CCDC30: variants seen among roughly 807,000 people sequenced by gnomAD.
The protein encoded by CCDC30 is coiled-coil domain containing 30.
CCDC30 carries 70 observed loss-of-function variants against 100.2 expected under a neutral mutation model. The observed-to-expected ratio is 0.70, with a 90% CI of 0.58 to 0.85. The LOEUF (loss-of-function observed/expected upper bound fraction) is 0.85, where lower values mean the gene tolerates loss of function less well. Ranked by LOEUF, CCDC30 falls within the 40% of genes least tolerant of loss-of-function variation. The pLI is 0.00. For missense variants in CCDC30, 652 were observed against 771.2 expected (o/e 0.85, Z 1.83); for synonymous variants, 233 against 269.5 (o/e 0.86, Z 1.33).
intron 5 of CCDC30, 77 bp from the exon 6 acceptor site, chr1:42,498,741 T>C (rs1295845392): frequency 5.0e-6 from 3 of 597,804 alleles, no homozygotes; most frequent in Non-Finnish European, 7.4e-6. Flanking sequence ...ATATTACTTG[T>C]ATAATTAAAA....
At chr1:42,528,884 T>C (rs1451572479) in intron 6 of CCDC30, among the ~76,000 whole-genome samples, 1 of 152,208 alleles carries the variant, frequency 6.6e-6, no homozygotes, top group African/African-American at 2.4e-5. Flanking sequence ...GCATCTGTTT[T>C]ATTTCAAAAG....
intron 6 of CCDC30, among the ~76,000 whole-genome samples, chr1:42,547,301 T>G (rs1252239821): frequency 6.6e-6 from 1 of 152,220 alleles, no homozygotes. Flanking sequence ...AAGATTGTTC[T>G]AGTATCTCTT....
chr1:42,561,626 G>C (rs1645489404), intron 6 of CCDC30, among the ~76,000 whole-genome samples: 1 of 151,848 alleles, frequency 6.6e-6, no homozygotes, highest in Non-Finnish European at 1.5e-5. Context: ...GCAAAAGAAA[G>C]AAATAAAGGG....
chr1:42,457,079 TGC>T, the CCDC30 span: 1 of 1,590,690 alleles, frequency 6.3e-7, no homozygotes. Context: ...GCTAGGTGCG[TGC>T]CCTAGGAGTA....
chr1:42,602,922 A>G (rs757149801), intron 10 of CCDC30, among the ~76,000 whole-genome samples: 6 of 152,246 alleles, frequency 3.9e-5, no homozygotes, highest in Admixed American at 6.5e-5. Context: ...ACAAAGAATT[A>G]TGCACCATGA....
intron 6 of CCDC30, chr1:42,556,359 T>G: frequency 6.2e-7 from 1 of 1,614,096 alleles, no homozygotes; most frequent in Non-Finnish European, 8.5e-7. Context: ...CAGAGCCTTC[T>G]TCAGTCTCAG....
chr1:42,633,025 G>T (rs911697735), intron 11 of CCDC30, among the ~76,000 whole-genome samples: 4 of 151,992 alleles, frequency 2.6e-5, no homozygotes, highest in African/African-American at 7.2e-5. Flanking sequence ...GGCCAGGCTG[G>T]TCTTGAACTC....
At chr1:42,516,091 T>A (rs1258751605) in intron 6 of CCDC30, among the ~76,000 whole-genome samples, 1 of 152,232 alleles carries the variant, frequency 6.6e-6, no homozygotes, top group Non-Finnish European at 1.5e-5. Context: ...ATGGAAATTC[T>A]GTGTCTACTT....
intron 6 of CCDC30, among the ~76,000 whole-genome samples, chr1:42,565,618 C>T (rs1570083255): frequency 6.6e-6 from 1 of 152,106 alleles, no homozygotes; most frequent in Admixed American, 6.6e-5. Context: ...ATATGGAAAA[C>T]AGTATGGAGG....
At chr1:42,641,913 T>A (rs934160384) in intron 12 of CCDC30, among the ~76,000 whole-genome samples, 6 of 151,204 alleles carry the variant, frequency 4.0e-5, no homozygotes, top group African/African-American at 1.5e-4. Flanking sequence ...TTCAGGGTCA[T>A]GAAAAAGAAG....
intron 6 of CCDC30, among the ~76,000 whole-genome samples, chr1:42,506,766 T>C (rs1378567841): frequency 6.6e-6 from 1 of 152,174 alleles, no homozygotes; most frequent in Non-Finnish European, 1.5e-5. Context: ...CTGATAAATA[T>C]GTTAGAGGTT....
At chr1:42,606,344 C>T (rs1198270226) in intron 10 of CCDC30, among the ~76,000 whole-genome samples, 1 of 152,196 alleles carries the variant, frequency 6.6e-6, no homozygotes, top group African/African-American at 2.4e-5. Flanking sequence ...GTGGTGCGCT[C>T]TCAGCTCACT....
chr1:42,492,958 A>G (rs376998501), intron 4 of CCDC30, among the ~76,000 whole-genome samples: 1 of 152,118 alleles, frequency 6.6e-6, no homozygotes, highest in East Asian at 1.9e-4. Flanking sequence ...AAAGATATTT[A>G]TAAAAAGACC....
At chr1:42,638,543 T>C (rs112470612) in intron 12 of CCDC30, among the ~76,000 whole-genome samples, 9 of 143,358 alleles carry the variant, frequency 6.3e-5, no homozygotes, top group African/African-American at 2.1e-4. Context: ...TAATCCATTT[T>C]AATAGCACCC....
At chr1:42,457,967 A>AC in the CCDC30 span, among the ~76,000 whole-genome samples, 1 of 151,596 alleles carries the variant, frequency 6.6e-6, no homozygotes, top group East Asian at 1.9e-4. Flanking sequence ...AAAAAAAAAA[A>AC]AAACACCAAA....
At chr1:42,481,730 T>C (rs373167509) in intron 2 of CCDC30, among the ~76,000 whole-genome samples, 3 of 152,320 alleles carry the variant, frequency 2.0e-5, no homozygotes, top group Admixed American at 6.5e-5. Context: ...ATGTTTTTGA[T>C]CTAGGGAAAT....
At chr1:42,608,881 A>G (rs1007142162) in intron 10 of CCDC30, among the ~76,000 whole-genome samples, 2 of 152,154 alleles carry the variant, frequency 1.3e-5, no homozygotes, top group African/African-American at 4.8e-5. Context: ...AGTACTAGAA[A>G]ACAAATTGAC....
rs773275520 is a variant in CCDC30, at chr1:42,539,223, CA to C, written c.457-27071del. 5.6e-6 allele frequency: 9 copies of C among 1,608,868 alleles called. No individual in the cohort carries two copies. The South Asian group carries it at 1.0e-4, about 18-fold the overall frequency. On this transcript the variant is annotated intron_variant, in intron 6 of 16. Coordinates refer to ENST00000668663, the Ensembl canonical transcript of CCDC30. ...TTATATGCCTTTATAATGAAGTTCA[CA>C]ATCTTCCAGGGGAATCAGAAAGCAA...
intron 6 of CCDC30, 21 bp downstream of exon 6, chr1:42,498,937 G>A: frequency 8.4e-7 from 1 of 1,189,600 alleles, no homozygotes; most frequent in African/African-American, 1.6e-5. Flanking sequence ...TTAAAGTTCT[G>A]TTCTTTCTGA....
Sources: gnomAD v4.1 joint callset for allele counts (sites outside exome capture counted in the v4.1 genomes callset) on GRCh38, gnomAD v4.1.1 for gene constraint, MANE v1.5 for transcripts, NCBI Gene and HGNC (gene_info 2026-07-23, HGNC 2026-07-21) for gene names.